Variants in HSPA12A observed in about 807,000 individuals in gnomAD.
HSPA12A encodes heat shock protein family A (Hsp70) member 12A.
A neutral mutation model predicts 69.2 loss-of-function variants in HSPA12A; 28 were observed. The observed-to-expected ratio is 0.40, with a 90% CI of 0.30 to 0.55. HSPA12A has a LOEUF of 0.55. HSPA12A is among the 20% of genes least tolerant of loss of function. HSPA12A has a pLI of 0.38. For synonymous variants in HSPA12A, 345 were observed against 370.5 expected (o/e 0.93, Z 0.79); for missense variants, 686 against 900.7 (o/e 0.76, Z 3.05).
Position 116,672,802 on chromosome 10 carries a change from C to T in HSPA12A, c.*1979G>A, listed in dbSNP as rs1589614158. ...ACAAAGAAAGACCCATACCATTTAG[C>T]GTTTGAAGCAGGGCAGGTAGCAAGA... On this transcript the variant is annotated 3_prime_UTR_variant, in exon 12 of 12. Coordinates refer to ENST00000369209, the MANE Select transcript of HSPA12A (RefSeq NM_025015.3). 6.6e-6 allele frequency: 1 copy of T among 152,550 alleles called. No homozygotes were observed. Among genetic ancestry groups the T allele is most frequent in the Non-Finnish European group, 1.5e-5 (1 of 68,026 alleles). 9.4% of individuals were successfully genotyped at this position (152,550 alleles called of 1,614,324 possible).
At chr10:116,829,117 C>A (rs958618553) in intron 2 of HSPA12A, 8 of 152,144 alleles carry the variant, frequency 5.3e-5, no homozygotes, top group African/African-American at 1.9e-4. Context: ...GTGTCAAGGG[C>A]AGGGCCAGGT....
chr10:116,779,403 G>A (rs1449391406), intron 2 of HSPA12A, among the ~76,000 whole-genome samples: 2 of 152,164 alleles, frequency 1.3e-5, no homozygotes, highest in Non-Finnish European at 2.9e-5. Flanking sequence ...GGAGATGAGG[G>A]TGGGGCACCT....
At chr10:116,760,713 C>T (rs184826191) in intron 2 of HSPA12A, among the ~76,000 whole-genome samples, 31 of 152,220 alleles carry the variant, frequency 2.0e-4, no homozygotes, top group Non-Finnish European at 4.0e-4. Context: ...AGGGTTTTTG[C>T]GTAATTACAC....
At chr10:116,738,056 T>A (rs1554886603) in intron 1 of HSPA12A, among the ~76,000 whole-genome samples, 1 of 152,220 alleles carries the variant, frequency 6.6e-6, no homozygotes. Context: ...GCTGTTCTAA[T>A]TATGCACAGC....
chr10:116,777,687 G>A (rs754578078), intron 2 of HSPA12A, among the ~76,000 whole-genome samples: 4 of 152,206 alleles, frequency 2.6e-5, no homozygotes, highest in African/African-American at 4.8e-5. Flanking sequence ...TAAGTGCATC[G>A]ACAATAGTCA....
At chr10:116,790,773 C>A (rs541295114) in intron 2 of HSPA12A, among the ~76,000 whole-genome samples, 1 of 152,276 alleles carries the variant, frequency 6.6e-6, no homozygotes, top group Non-Finnish European at 1.5e-5. Context: ...TCACTGCAAC[C>A]TTTGCCTCCC....
chr10:116,847,753 C>G (rs1465960609), intron 1 of HSPA12A, among the ~76,000 whole-genome samples: 2 of 152,168 alleles, frequency 1.3e-5, no homozygotes, highest in East Asian at 1.9e-4. Context: ...CAAATCAAGT[C>G]GCTGTCCTCC....
chr10:116,702,439 A>G (rs1282531138), intron 3 of HSPA12A, among the ~76,000 whole-genome samples: 6 of 152,156 alleles, frequency 3.9e-5, no homozygotes, highest in Admixed American at 2.6e-4. Context: ...GACATTAAGC[A>G]TCAGTAGGAC....
chr10:116,712,508 C>T (rs1222104511), intron 1 of HSPA12A, among the ~76,000 whole-genome samples: 2 of 152,136 alleles, frequency 1.3e-5, no homozygotes, highest in African/African-American at 4.8e-5. Flanking sequence ...AAAATGCAGG[C>T]TTCATCTGGG....
intron 1 of HSPA12A, among the ~76,000 whole-genome samples, chr10:116,732,261 C>T (rs1554885881): frequency 2.0e-5 from 3 of 150,126 alleles, no homozygotes; most frequent in South Asian, 2.1e-4. Context: ...ACCCGGGAGG[C>T]GGAGGCTGCA....
At chr10:116,789,605 G>T (rs1301057916) in intron 2 of HSPA12A, among the ~76,000 whole-genome samples, 1 of 152,176 alleles carries the variant, frequency 6.6e-6, no homozygotes, top group African/African-American at 2.4e-5. Context: ...AGCTACAGTG[G>T]TACCTTGGAT....
chr10:116,782,398 T>G (rs1472148152), intron 2 of HSPA12A, among the ~76,000 whole-genome samples: 7 of 152,200 alleles, frequency 4.6e-5, no homozygotes, highest in Non-Finnish European at 1.0e-4. Context: ...CCTGCGTATA[T>G]GACAAGGCTG....
At chr10:116,808,641 C>T in intron 2 of HSPA12A, among the ~76,000 whole-genome samples, 1 of 152,112 alleles carries the variant, frequency 6.6e-6, no homozygotes, top group East Asian at 1.9e-4. Context: ...TAATGCCCAG[C>T]GTGCATCCTG....
In HSPA12A at chr10:116,774,883, G is replaced by A. The variant is rs187238471; in HGVS notation, c.91+60052C>T. On this transcript the variant is annotated intron_variant, in intron 2 of 12. Coordinates refer to the HSPA12A transcript ENST00000635765. ...CTGCCGGCTCCTGCACCAGCCCCTC[G>A]TGTTGGCTATACTGCCATGGCATAG... Among the ~76,000 whole-genome samples the A allele has an allele frequency of 5.1e-4, 77 of 152,206 alleles. No individual in the cohort carries two copies. In the East Asian group the frequency reaches 0.012, roughly 24 times the overall value.
At chr10:116,761,578 A>T (rs55900057) in intron 2 of HSPA12A, among the ~76,000 whole-genome samples, 4,642 of 76,790 alleles carry the variant, frequency 0.06, 218 homozygotes, top group African/African-American at 0.18. Flanking sequence ...AGTAAAAAAA[A>T]TAAAAAAAAA....
chr10:116,783,550 G>A (rs1240175362), intron 2 of HSPA12A, among the ~76,000 whole-genome samples: 5 of 152,146 alleles, frequency 3.3e-5, no homozygotes, highest in Non-Finnish European at 7.4e-5. Context: ...CTGACCCACC[G>A]TCCCCACCCC....
In HSPA12A at chr10:116,676,275, C is replaced by T. The variant is rs1204496485; in HGVS notation, c.1390+124G>A. The T allele has an allele frequency of 1.1e-5, 8 of 760,882 alleles. No homozygotes were observed. In the African/African-American group the frequency reaches 1.3e-4, roughly 13 times the overall value. 47.1% of individuals were successfully genotyped at this position (760,882 alleles called of 1,614,324 possible). A position where few individuals can be genotyped will look rare whatever the true frequency, so the allele number is the denominator to read the frequency against. On this transcript the variant is annotated intron_variant, in intron 11 of 11. Coordinates refer to ENST00000369209, the MANE Select transcript of HSPA12A (RefSeq NM_025015.3). ...CAAGCCCTGCCCAGTCCTGCAGGGC[C>T]CTTGCCTGTGGCTCCCAGATCCAGG...
At chr10:116,807,633 A>C (rs1845093945) in intron 2 of HSPA12A, among the ~76,000 whole-genome samples, 1 of 152,096 alleles carries the variant, frequency 6.6e-6, no homozygotes, top group African/African-American at 2.4e-5. Context: ...CCATTTCTCT[A>C]TGAGATAAGG....
chr10:116,705,705 G>A (rs1465474709), intron 2 of HSPA12A, among the ~76,000 whole-genome samples: 1 of 152,212 alleles, frequency 6.6e-6, no homozygotes, highest in Non-Finnish European at 1.5e-5. Context: ...TGTGCCCTCT[G>A]TACACCCAGG....
Sources: gnomAD v4.1 joint callset for allele counts (sites outside exome capture counted in the v4.1 genomes callset) on GRCh38, gnomAD v4.1.1 for gene constraint, MANE v1.5 for transcripts, NCBI Gene and HGNC (gene_info 2026-07-23, HGNC 2026-07-21) for gene names.